Variants in NTM observed in about 807,000 individuals in gnomAD.
NTM encodes IgLON family member 2.
In NTM, 13 loss-of-function variants were observed where a neutral mutation model predicts 42.1. That is an observed-to-expected ratio of 0.31 (90% confidence interval 0.20 to 0.49). The LOEUF (loss-of-function observed/expected upper bound fraction) is 0.49, where lower values mean the gene tolerates loss of function less well. Among genes scored for constraint, NTM ranks in the 20% least tolerant of loss-of-function variants. The probability of loss-of-function intolerance (pLI) is 0.99; values close to 1 mark genes in which losing one functional copy is unlikely to be tolerated. For missense variants in NTM, 373 were observed against 452.8 expected, an observed-to-expected ratio of 0.82 and a Z score of 1.60; for synonymous variants, 187 against 179.2, an observed-to-expected ratio of 1.04 and a Z score of -0.35.
intron 1 of NTM, among the ~76,000 whole-genome samples, chr11:131,401,418 G>A (rs1016834354): frequency 3.9e-5 from 6 of 152,022 alleles, no homozygotes; most frequent in African/African-American, 1.2e-4. Flanking sequence ...CTGGATATAT[G>A]ATCTGAGCAA....
chr11:131,943,510 G>T (rs928160544), intron 2 of NTM, among the ~76,000 whole-genome samples: 1 of 152,174 alleles, frequency 6.6e-6, no homozygotes, highest in African/African-American at 2.4e-5. Flanking sequence ...CACCCTCCAG[G>T]TGTCTGATTC....
At chr11:131,586,168 C>T (rs1490337789) in intron 1 of NTM, among the ~76,000 whole-genome samples, 2 of 151,934 alleles carry the variant, frequency 1.3e-5, no homozygotes, top group South Asian at 2.1e-4. Context: ...TGCAGTGGTG[C>T]AATCACAGTT....
intron 6 of NTM, among the ~76,000 whole-genome samples, chr11:132,310,680 T>G (rs148520908): frequency 3.5e-4 from 54 of 152,282 alleles, no homozygotes; most frequent in African/African-American, 1.2e-3. Flanking sequence ...TTCCAGACAC[T>G]ATCAGTAGCG....
chr11:131,872,843 C>A (rs1209140628), intron 1 of NTM, among the ~76,000 whole-genome samples: 1 of 152,046 alleles, frequency 6.6e-6, no homozygotes, highest in African/African-American at 2.4e-5. Flanking sequence ...GATTTATAAT[C>A]CTTTATGCAT....
intron 2 of NTM, among the ~76,000 whole-genome samples, chr11:132,095,534 G>C (rs2060866962): frequency 6.6e-6 from 1 of 152,198 alleles, no homozygotes; most frequent in Non-Finnish European, 1.5e-5. Flanking sequence ...AATTCATTCT[G>C]ATTGAGAGGA....
chr11:131,667,042 C>A (rs1307192643), intron 1 of NTM, among the ~76,000 whole-genome samples: 1 of 152,196 alleles, frequency 6.6e-6, no homozygotes, highest in Non-Finnish European at 1.5e-5. Context: ...CCCTTTGCTC[C>A]ATTGCCATGG....
intron 1 of NTM, among the ~76,000 whole-genome samples, chr11:131,614,855 C>G (rs2061771326): frequency 6.6e-6 from 1 of 152,184 alleles, no homozygotes; most frequent in Non-Finnish European, 1.5e-5. Context: ...CTGGAGATGC[C>G]TCCCTCACGT....
intron 2 of NTM, among the ~76,000 whole-genome samples, chr11:132,011,220 A>G (rs973470838): frequency 6.6e-6 from 1 of 152,134 alleles, no homozygotes; most frequent in Non-Finnish European, 1.5e-5. Context: ...TATTGATACT[A>G]TGATTTGAAA....
chr11:131,528,063 A>T (rs1445833949), intron 1 of NTM, among the ~76,000 whole-genome samples: 1 of 151,760 alleles, frequency 6.6e-6, no homozygotes, highest in South Asian at 2.1e-4. Context: ...AATGTTCCAA[A>T]TTTTTTTAAA....
chr11:132,309,964 G>A, intron 5 of NTM, 148 bp from the exon 6 acceptor site: 1 of 912,898 alleles, frequency 1.1e-6, no homozygotes, highest in Non-Finnish European at 1.6e-6. Flanking sequence ...GCTGATGCAG[G>A]AGAATTGCTT....
At chr11:132,166,655 G>A (rs144456998) in intron 3 of NTM, among the ~76,000 whole-genome samples, 140 of 152,284 alleles carry the variant, frequency 9.2e-4, no homozygotes, top group Non-Finnish European at 1.6e-3. Context: ...TCAGTCAGTG[G>A]CAATTTGCAT....
intron 4 of NTM, among the ~76,000 whole-genome samples, chr11:132,222,729 G>A (rs528736146): frequency 9.9e-5 from 15 of 152,136 alleles, no homozygotes; most frequent in African/African-American, 3.6e-4. Context: ...ACCCAACAGT[G>A]GTGGGTTCTT....
At chr11:131,540,730 C>T (rs769486608) in intron 1 of NTM, 1 of 152,196 alleles carries the variant, frequency 6.6e-6, no homozygotes, top group Non-Finnish European at 1.5e-5. Flanking sequence ...AGGAACAGGC[C>T]TTTGCATGGC....
At chr11:132,113,675 T>G (rs1431440754) in intron 2 of NTM, among the ~76,000 whole-genome samples, 1 of 152,190 alleles carries the variant, frequency 6.6e-6, no homozygotes, top group Non-Finnish European at 1.5e-5. Flanking sequence ...TTTCTTGGGT[T>G]GTCAATGAAG....
chr11:131,965,813 C>A (rs2062762985), intron 2 of NTM, among the ~76,000 whole-genome samples: 3 of 152,052 alleles, frequency 2.0e-5, no homozygotes, highest in Admixed American at 2.0e-4. Context: ...AGGACTGTGT[C>A]TGAGTTTTCA....
intron 2 of NTM, among the ~76,000 whole-genome samples, chr11:131,968,125 A>C (rs2063071124): frequency 6.6e-6 from 1 of 152,208 alleles, no homozygotes; most frequent in Admixed American, 6.5e-5. Context: ...CAATTATCAC[A>C]ATGCACTCTC....
intron 1 of NTM, among the ~76,000 whole-genome samples, chr11:131,626,965 A>C (rs1565346637): frequency 6.6e-6 from 1 of 152,230 alleles, no homozygotes; most frequent in Non-Finnish European, 1.5e-5. Flanking sequence ...CCTGTAGGCT[A>C]TCTCACTTCC....
At chr11:131,676,525 A>G (rs944248946) in intron 1 of NTM, among the ~76,000 whole-genome samples, 1 of 152,198 alleles carries the variant, frequency 6.6e-6, no homozygotes, top group African/African-American at 2.4e-5. Flanking sequence ...GTGAACCTGC[A>G]TATGCACATA....
intron 1 of NTM, among the ~76,000 whole-genome samples, chr11:131,757,427 A>C (rs61901639): frequency 0.085 from 12,983 of 152,242 alleles, 632 homozygotes; most frequent in East Asian, 0.16. Flanking sequence ...CCGTTTTCCC[A>C]AGGGGTTTTA....
Sources: allele counts gnomAD v4.1 joint callset (sites outside exome capture counted in the v4.1 genomes callset), GRCh38; gene constraint gnomAD v4.1.1; transcripts MANE v1.5; gene names NCBI Gene and HGNC (gene_info 2026-07-23, HGNC 2026-07-21).